The following HHAT variants were observed in gnomAD, a reference collection of about 807,000 sequenced individuals.
HHAT encodes protein-cysteine N-palmitoyltransferase HHAT.
HHAT carries 47 observed loss-of-function variants against 70.8 expected under a neutral mutation model. The observed-to-expected ratio is 0.66, with a 90% CI of 0.53 to 0.85. The LOEUF is 0.85. HHAT is among the 40% of genes least tolerant of loss of function. HHAT has a pLI of 0.00. For synonymous variants in HHAT, 228 were observed against 247.6 expected, an observed-to-expected ratio of 0.92 and a Z score of 0.74; for missense variants, 609 against 604.8, an observed-to-expected ratio of 1.01 and a Z score of -0.07.
rs2092246059 is a variant in HHAT, at chr1:210,404,562, G to A, written c.567G>A (p.Trp189Ter). The change falls in exon 6 of 12, where the codon TGG (tryptophan) becomes TGA (stop). Residue 189 changes from tryptophan (W) to a stop codon, truncating the protein, a stop_gained. Coordinates refer to ENST00000261458, the MANE Select transcript of HHAT (RefSeq NM_018194.6). LOFTEE classifies it high-confidence loss of function. ...YYTSFSLELC[W>*]QQLPAASTSY... ...CCAGCTTCAGCCTGGAGCTCTGCTG[G>A]CAGCAGCTGCCTGCTGCATCGACCT... 6.2e-7 allele frequency: 1 copy of A among 1,613,738 alleles called. No individual in the cohort carries two copies. Among genetic ancestry groups the A allele is most frequent in the Admixed American group, 1.7e-5 (1 of 60,010 alleles).
intron 10 of HHAT, among the ~76,000 whole-genome samples, chr1:210,615,991 C>CT (rs1667645117): frequency 1.3e-5 from 2 of 152,188 alleles, no homozygotes. Flanking sequence ...AATCACCCAT[C>CT]TTCTGCTATA....
At chr1:210,509,626 T>G (rs2094920549) in intron 8 of HHAT, among the ~76,000 whole-genome samples, 1 of 152,146 alleles carries the variant, frequency 6.6e-6, no homozygotes, top group Non-Finnish European at 1.5e-5. Flanking sequence ...GTAGAATGGA[T>G]GAGTGCCTGG....
intron 7 of HHAT, among the ~76,000 whole-genome samples, chr1:210,421,170 A>C (rs1044106694): frequency 6.6e-6 from 1 of 152,178 alleles, no homozygotes; most frequent in African/African-American, 2.4e-5. Flanking sequence ...AAGATCCTGA[A>C]TAGCCAAAGC....
Position 210,505,074 on chromosome 1 carries a change from T to G in HHAT, c.1008-8079T>G, listed in dbSNP as rs974503831. On this transcript the variant is annotated intron_variant, in intron 8 of 11. Coordinates refer to ENST00000261458, the MANE Select transcript of HHAT (RefSeq NM_018194.6). ...CCACTACACCCGGCTAATTTTTGTA[T>G]TTTTAGTAGAGACGGGGTTTCACCA... 4.4e-4 allele frequency among the ~76,000 whole-genome samples: 67 copies of G among 152,062 alleles called. 1 individual carries two copies. Among genetic ancestry groups the G allele is most frequent in the Admixed American group, 1.3e-4 (2 of 15,262 alleles).
intron 7 of HHAT, among the ~76,000 whole-genome samples, chr1:210,424,519 T>G (rs1455285505): frequency 7.5e-6 from 1 of 133,840 alleles, no homozygotes; most frequent in African/African-American, 2.8e-5. Context: ...TTTTTTTTTT[T>G]GTACAGATTA....
chr1:210,488,356 T>A (rs2094503529), intron 8 of HHAT, among the ~76,000 whole-genome samples: 1 of 152,208 alleles, frequency 6.6e-6, no homozygotes, highest in Non-Finnish European at 1.5e-5. Context: ...CTCCACTTTT[T>A]CTTTTTACTT....
At chr1:210,644,424 G>T (rs776413812) in intron 11 of HHAT, among the ~76,000 whole-genome samples, 1 of 152,026 alleles carries the variant, frequency 6.6e-6, no homozygotes. Context: ...CCAACATGGT[G>T]AAATCCCGTC....
At chr1:210,544,367 GTTTTTTTTTTT>G (rs569514246) in intron 9 of HHAT, among the ~76,000 whole-genome samples, 47 of 90,060 alleles carry the variant, frequency 5.2e-4, no homozygotes, top group African/African-American at 1.6e-3. Context: ...TCTTTCTTTC[GTTTTTTTTTTT>G]TTTTTTTTTT....
chr1:210,484,364 G>A (rs1283495687), intron 8 of HHAT, among the ~76,000 whole-genome samples: 3 of 152,112 alleles, frequency 2.0e-5, no homozygotes, highest in Admixed American at 2.0e-4. Flanking sequence ...TACTACATAA[G>A]AAGTGTTATA....
At chr1:210,599,550 T>C (rs189665131) in intron 10 of HHAT, among the ~76,000 whole-genome samples, 23 of 152,290 alleles carry the variant, frequency 1.5e-4, no homozygotes, top group Non-Finnish European at 3.2e-4. Flanking sequence ...AGCCATTATG[T>C]TATCCTTTGT....
chr1:210,593,381 T>C (rs1662194834), intron 10 of HHAT, among the ~76,000 whole-genome samples: 1 of 152,086 alleles, frequency 6.6e-6, no homozygotes, highest in Non-Finnish European at 1.5e-5. Context: ...TGTGTATCCA[T>C]TATCATTTGT....
chr1:210,528,104 G>A (rs1013280552), intron 9 of HHAT, among the ~76,000 whole-genome samples: 1 of 152,154 alleles, frequency 6.6e-6, no homozygotes, highest in Non-Finnish European at 1.5e-5. Context: ...GAGCAGAGAG[G>A]TGTTCATCAG....
At chr1:210,534,995 G>C (rs2095355701) in intron 9 of HHAT, among the ~76,000 whole-genome samples, 1 of 152,176 alleles carries the variant, frequency 6.6e-6, no homozygotes, top group Non-Finnish European at 1.5e-5. Flanking sequence ...CACTGCTGAA[G>C]TCACTCCTTG....
chr1:210,435,525 T>C (rs917765913), intron 7 of HHAT, among the ~76,000 whole-genome samples: 2 of 151,796 alleles, frequency 1.3e-5, no homozygotes, highest in East Asian at 3.9e-4. Context: ...GTTCTATTTT[T>C]GTTTTTTGGG....
chr1:210,613,782 C>A (rs1295407794), intron 10 of HHAT, among the ~76,000 whole-genome samples: 2 of 152,116 alleles, frequency 1.3e-5, no homozygotes, highest in Non-Finnish European at 2.9e-5. Context: ...CTTTGTGAGG[C>A]TGAGGTGGGA....
Position 210,333,382 on chromosome 1 carries a change from C to T in HHAT, c.-44+4278C>T, listed in dbSNP as rs1213162852. ...AAGGCTGCAGTGAGCTATGATCAGG[C>T]CACTGCACTCTAGCCTGCATGACAG... is the stretch of plus-strand genomic sequence containing the variant. On this transcript the variant is annotated intron_variant, in intron 1 of 11. Coordinates refer to ENST00000261458, the MANE Select transcript of HHAT (RefSeq NM_018194.6). Among the ~76,000 whole-genome samples the T allele has an allele frequency of 4.6e-5, 7 of 152,038 alleles. No individual in the cohort carries two copies. In the South Asian group the frequency reaches 6.2e-4, roughly 13 times the overall value.
At chr1:210,421,857 G>A (rs2092914490) in intron 7 of HHAT, among the ~76,000 whole-genome samples, 1 of 152,096 alleles carries the variant, frequency 6.6e-6, no homozygotes, top group African/African-American at 2.4e-5. Context: ...AAAGTCATAT[G>A]TGTAGTTGCA....
At position 210,547,449 on chromosome 1, in the gene HHAT, A is replaced by C. The variant is rs547387335; in HGVS notation, c.1043+34261A>C. Among the ~76,000 whole-genome samples, 532 of 152,318 alleles carry C rather than the reference A, an allele frequency of 3.5e-3. 4 individuals are homozygous for C. The highest frequency in any genetic ancestry group is 5.4e-3 in the Non-Finnish European group (368 of 68,030). On this transcript the variant is annotated intron_variant, in intron 9 of 11. Coordinates refer to ENST00000261458, the MANE Select transcript of HHAT (RefSeq NM_018194.6). Reference sequence around the variant, plus strand: ...CACTGGACTTGTTAATGGTATTAATAGAAAATTACAGAAGCATATGGAATC... The same window carrying C: ...CACTGGACTTGTTAATGGTATTAATCGAAAATTACAGAAGCATATGGAATC...
chr1:210,465,713 C>G (rs2094086555), intron 8 of HHAT, among the ~76,000 whole-genome samples: 1 of 152,184 alleles, frequency 6.6e-6, no homozygotes, highest in Non-Finnish European at 1.5e-5. Flanking sequence ...TGTTGCCATT[C>G]AAAAGGAGGT....
Sources: gnomAD v4.1 joint callset for allele counts (sites outside exome capture counted in the v4.1 genomes callset) on GRCh38, gnomAD v4.1.1 for gene constraint, MANE v1.5 for transcripts, NCBI Gene and HGNC (gene_info 2026-07-23, HGNC 2026-07-21) for gene names.